The following NXPE2 variants were observed in gnomAD, a reference collection of about 807,000 sequenced individuals.
NXPE2 encodes neurexophilin and PC-esterase domain family member 2.
A neutral mutation model predicts 34.4 loss-of-function variants in NXPE2; 34 were observed. That is an observed-to-expected ratio of 0.99 (90% CI 0.75 to 1.31). NXPE2 has a LOEUF of 1.31. NXPE2 is among the 40% of genes most tolerant of loss of function. NXPE2 has a pLI of 0.00. For missense variants in NXPE2, 649 were observed against 672.5 expected, an observed-to-expected ratio of 0.97 and a Z score of 0.39; for synonymous variants, 235 against 231.3, an observed-to-expected ratio of 1.02 and a Z score of -0.15.
At chr11:114,519,650 A>G in the NXPE2 span, among the ~76,000 whole-genome samples, 7 of 152,272 alleles carry the variant, frequency 4.6e-5, no homozygotes, top group South Asian at 1.5e-3. Context: ...AAGGAGGGGC[A>G]GGAGGGCATT....
chr11:114,633,313 AATTAT>A, the NXPE2 span, among the ~76,000 whole-genome samples: 1 of 140,636 alleles, frequency 7.1e-6, no homozygotes, highest in Admixed American at 7.4e-5. Flanking sequence ...TAAAATATAT[AATTAT>A]ATTATGTGGT....
the NXPE2 span, among the ~76,000 whole-genome samples, chr11:114,771,257 A>G: frequency 6.6e-6 from 1 of 151,290 alleles, no homozygotes; most frequent in Non-Finnish European, 1.5e-5. Flanking sequence ...ACTTTCCCTC[A>G]GGGCTCTTGG....
chr11:114,571,244 G>A, the NXPE2 span: 1 of 1,613,984 alleles, frequency 6.2e-7, no homozygotes, highest in Non-Finnish European at 8.5e-7. Flanking sequence ...AAACATCAAT[G>A]GGAAAGGGTC....
the NXPE2 span, among the ~76,000 whole-genome samples, chr11:114,728,727 T>C: frequency 6.6e-6 from 1 of 151,982 alleles, no homozygotes; most frequent in Non-Finnish European, 1.5e-5. Context: ...CCTTTGTATA[T>C]AAAAACAGAC....
In NXPE2 at chr11:114,698,324, C is replaced by T; in HGVS notation, c.412C>T (p.His138Tyr). 6.2e-7 allele frequency: 1 copy of T among 1,613,960 alleles called. No homozygotes were observed. The highest frequency in any genetic ancestry group is 8.5e-7 in the Non-Finnish European group (1 of 1,179,924). ...QLDILLEVRD[H>Y]LGHRKQYGGD... is the part of the protein sequence containing the mutation. ...GGACATCCTTCTGGAGGTGAGGGAC[C>T]ACTTGGGACACAGGAAGCAATATGG... Residue 138 changes from histidine (H) to tyrosine (Y), a missense_variant, in exon 3 of 6, where the codon CAC becomes TAC. By Grantham distance (83) the His-to-Tyr change is moderately conservative. Transcript: ENST00000389586.
In NXPE2 at chr11:114,705,934, T is replaced by C. The variant is rs1023171278; in HGVS notation, c.1082T>C (p.Ile361Thr). Reference sequence around the variant, plus strand: ...AATGACTGCTTGGAAAGAAAACTTATTTATCTCATGGGAGATTCAACACTG... The same window carrying C: ...AATGACTGCTTGGAAAGAAAACTTACTTATCTCATGGGAGATTCAACACTG... Reference protein sequence around the residue: ...NINDCLERKLIYLMGDSTLHQ... With the variant: ...NINDCLERKLTYLMGDSTLHQ... Residue 361 changes from isoleucine (I) to threonine (T), a missense_variant, in exon 5 of 6, where the codon ATT becomes ACT. By Grantham distance (89) the Ile-to-Thr change is moderately conservative. Coordinates refer to ENST00000389586, the MANE Select transcript of NXPE2 (RefSeq NM_182495.6). 2 of 1,541,082 alleles carry C rather than the reference T, an allele frequency of 1.3e-6. No individual in the cohort carries two copies. Among genetic ancestry groups the C allele is most frequent in the East Asian group, 2.5e-5 (1 of 40,314 alleles).
the NXPE2 span, among the ~76,000 whole-genome samples, chr11:114,787,147 T>C: frequency 1.3e-4 from 20 of 151,784 alleles, no homozygotes; most frequent in African/African-American, 2.4e-5. Flanking sequence ...TTTATCAAGT[T>C]GAGAGAGGAC....
At chr11:114,804,557 G>A in the NXPE2 span, among the ~76,000 whole-genome samples, 1 of 152,128 alleles carries the variant, frequency 6.6e-6, no homozygotes, top group East Asian at 1.9e-4. Flanking sequence ...GGGTTTGGGT[G>A]TTATTTCTTT....
chr11:114,526,217 G>T, the NXPE2 span, among the ~76,000 whole-genome samples: 1 of 152,162 alleles, frequency 6.6e-6, no homozygotes, highest in Non-Finnish European at 1.5e-5. Flanking sequence ...ACATGCTCCT[G>T]CTCTACCTTG....
chr11:114,570,730 T>C, the NXPE2 span: 2 of 463,980 alleles, frequency 4.3e-6, no homozygotes, highest in Non-Finnish European at 7.6e-6. Flanking sequence ...TAGGCTCTTT[T>C]CATGAGTATT....
intron 1 of NXPE2, among the ~76,000 whole-genome samples, chr11:114,679,418 A>T (rs887958165): frequency 6.6e-6 from 1 of 152,044 alleles, no homozygotes; most frequent in African/African-American, 2.4e-5. Flanking sequence ...ATGTGATATG[A>T]TTCGAAACCC....
At chr11:114,607,173 G>A in the NXPE2 span, among the ~76,000 whole-genome samples, 1 of 151,214 alleles carries the variant, frequency 6.6e-6, no homozygotes, top group Non-Finnish European at 1.5e-5. Flanking sequence ...GATAATCAGT[G>A]TTGCATCGTG....
the NXPE2 span, among the ~76,000 whole-genome samples, chr11:114,469,856 CTTTTCCAA>C: frequency 3.3e-5 from 5 of 152,152 alleles, no homozygotes; most frequent in Non-Finnish European, 7.3e-5. Flanking sequence ...ACTTCATGCC[CTTTTCCAA>C]TTCTGTCAAC....
At chr11:114,479,135 ATTCT>A in the NXPE2 span, among the ~76,000 whole-genome samples, 7 of 152,206 alleles carry the variant, frequency 4.6e-5, no homozygotes, top group African/African-American at 1.7e-4. Context: ...AGAGCTTTTG[ATTCT>A]TTCGGTTTGG....
the NXPE2 span, among the ~76,000 whole-genome samples, chr11:114,739,876 G>A: frequency 6.6e-6 from 1 of 152,118 alleles, no homozygotes; most frequent in Non-Finnish European, 1.5e-5. Context: ...TTAGCCTGAT[G>A]TTCTTCAGAT....
chr11:114,792,299 T>C, the NXPE2 span, among the ~76,000 whole-genome samples: 44 of 152,274 alleles, frequency 2.9e-4, no homozygotes, highest in African/African-American at 1.0e-3. Context: ...GATGACTCCA[T>C]CAGAGCTGTC....
the NXPE2 span, among the ~76,000 whole-genome samples, chr11:114,811,689 A>C: frequency 6.6e-6 from 1 of 152,198 alleles, no homozygotes; most frequent in African/African-American, 2.4e-5. Flanking sequence ...TGAGAGGGAC[A>C]CAAGAGTATC....
At chr11:114,571,922 C>G in the NXPE2 span, among the ~76,000 whole-genome samples, 314 of 152,360 alleles carry the variant, frequency 2.1e-3, no homozygotes, top group African/African-American at 6.8e-3. Context: ...AAAGTGCCAC[C>G]TGCTGGCTGG....
chr11:114,487,543 C>T, the NXPE2 span, among the ~76,000 whole-genome samples: 1 of 152,134 alleles, frequency 6.6e-6, no homozygotes, highest in South Asian at 2.1e-4. Context: ...GCTAGGACTT[C>T]CCATCCTATG....
Sources: allele counts gnomAD v4.1 joint callset (sites outside exome capture counted in the v4.1 genomes callset), GRCh38; gene constraint gnomAD v4.1.1; transcripts MANE v1.5; gene names NCBI Gene and HGNC (gene_info 2026-07-23, HGNC 2026-07-21).